Variants in PPP2CB observed in about 807,000 individuals in gnomAD.
The protein encoded by PPP2CB is serine/threonine-protein phosphatase 2A catalytic subunit beta isoform.
In PPP2CB, 18 loss-of-function variants were observed where a neutral mutation model predicts 39.1. The ratio of observed to expected loss-of-function variants is 0.46; its 90% CI spans 0.32 to 0.68. PPP2CB has a LOEUF of 0.68. PPP2CB is among the 30% of genes least tolerant of loss of function. The pLI, the probability that PPP2CB is intolerant of heterozygous loss-of-function variation, is 0.04. For synonymous variants in PPP2CB, 129 were observed against 133.8 expected, an observed-to-expected ratio of 0.96 and a Z score of 0.25; for missense variants, 226 against 396.9, an observed-to-expected ratio of 0.57 and a Z score of 3.66.
chr8:30,798,757 A>T (rs562422682), intron 2 of PPP2CB, among the ~76,000 whole-genome samples: 1 of 152,364 alleles, frequency 6.6e-6, no homozygotes, highest in Admixed American at 6.5e-5. Context: ...CCACTTTTGC[A>T]GCATAAATAA....
intron 5 of PPP2CB, 105 bp downstream of exon 5, chr8:30,793,812 T>G (rs1017258723): frequency 1.5e-6 from 2 of 1,291,586 alleles, no homozygotes; most frequent in African/African-American, 1.5e-5. Context: ...TCTTTTCACC[T>G]AGGTAATAAA....
intron 1 of PPP2CB, among the ~76,000 whole-genome samples, chr8:30,800,244 T>C (rs1806597299): frequency 6.6e-6 from 1 of 152,244 alleles, no homozygotes; most frequent in Non-Finnish European, 1.5e-5. Context: ...TGATACATGC[T>C]ACAACTTTGA....
intron 6 of PPP2CB, 156 bp downstream of exon 6, chr8:30,791,040 AT>A (rs1484042373): frequency 1.8e-6 from 1 of 553,412 alleles, no homozygotes; most frequent in Non-Finnish European, 3.1e-6. Flanking sequence ...TTGAAAAATT[AT>A]TTTTTAAAAA....
intron 1 of PPP2CB, among the ~76,000 whole-genome samples, chr8:30,811,477 A>C (rs1175282899): frequency 1.3e-5 from 2 of 151,768 alleles, no homozygotes; most frequent in Admixed American, 1.3e-4. Flanking sequence ...CTCCGCAAAC[A>C]AACGCTTGGC....
Position 30,812,368 on chromosome 8 carries a change from G to T in PPP2CB, c.54C>A (p.Asn18Lys). The T allele has an allele frequency of 1.9e-6, 3 of 1,563,342 alleles. No homozygotes were observed. The highest frequency in any genetic ancestry group is 8.7e-7 in the Non-Finnish European group (1 of 1,151,848). ...GGTTCTCGTTCAGCTGCTTACACTCGTTCAGCTGCTCGACCCACTGGTCCA... is the reference window on the plus strand; with the variant it reads ...GGTTCTCGTTCAGCTGCTTACACTCTTTCAGCTGCTCGACCCACTGGTCCA... ...KELDQWVEQL[N>K]ECKQLNENQV... is the part of the protein sequence containing the mutation. The change falls in exon 1 of 7, where the codon AAC becomes AAA. Residue 18 changes from asparagine (N) to lysine (K), a missense_variant. Asn to Lys is a moderately conservative substitution (Grantham distance 94). This residue lies in a region of PPP2CB where 59 missense variants were observed against 42.6 expected (regional missense o/e 1.38). Coordinates refer to ENST00000221138, the MANE Select transcript of PPP2CB (RefSeq NM_001009552.2).
chr8:30,812,577 C>T lies in PPP2CB; in HGVS notation c.-156G>A. ...GGAGGACTGAGCCGGGTAGGGCGGC[C>T]GCGGGCCCCGCGCCCCGCCCAAGCC... is the stretch of plus-strand genomic sequence containing the variant. On this transcript the variant is annotated 5_prime_UTR_variant, in exon 1 of 7. Coordinates refer to ENST00000221138, the MANE Select transcript of PPP2CB (RefSeq NM_001009552.2). 8.0e-6 allele frequency: 3 copies of T among 377,042 alleles called. No homozygotes were observed. Among genetic ancestry groups the T allele is most frequent in the Non-Finnish European group, 1.3e-5 (3 of 224,336 alleles). 23.4% of individuals were successfully genotyped at this position (377,042 alleles called of 1,614,324 possible).
chr8:30,795,560 C>A (rs1563215226), intron 3 of PPP2CB, among the ~76,000 whole-genome samples: 1 of 151,956 alleles, frequency 6.6e-6, no homozygotes, highest in South Asian at 2.1e-4. Flanking sequence ...TTTTATTTTT[C>A]TGTGCGTGCC....
chr8:30,794,847 C>T (rs77439306), intron 3 of PPP2CB, among the ~76,000 whole-genome samples: 3,124 of 152,290 alleles, frequency 0.021, 103 homozygotes, highest in African/African-American at 0.067. Flanking sequence ...ATTCCTGTTA[C>T]TGGCTACAAT....
rs1307452845 is a variant in PPP2CB at position 30,812,770 on chromosome 8, C to A, written c.-349G>T. Reference sequence around the variant, plus strand: ...GAAGGCCGCCCGCTGCCGCTTCAGGCCCGCCTCACGCCTACCGGCCTCTCC... The same window carrying A: ...GAAGGCCGCCCGCTGCCGCTTCAGGACCGCCTCACGCCTACCGGCCTCTCC... On this transcript the variant is annotated 5_prime_UTR_variant, in exon 1 of 7. Transcript: ENST00000221138. 2.1e-6 allele frequency: 1 copy of A among 468,588 alleles called. No individual in the cohort carries two copies. The highest frequency in any genetic ancestry group is 1.6e-5 in the South Asian group (1 of 64,504). The allele number at this position is 468,588 out of a possible 1,614,324, so 29.0% of individuals were successfully genotyped here. A position where few individuals can be genotyped will look rare whatever the true frequency, so the allele number is the denominator to read the frequency against.
At chr8:30,807,130 C>T (rs1228906036) in intron 1 of PPP2CB, among the ~76,000 whole-genome samples, 1 of 152,116 alleles carries the variant, frequency 6.6e-6, no homozygotes, top group East Asian at 1.9e-4. Flanking sequence ...TCATGCCATT[C>T]TTCATTATAC....
intron 1 of PPP2CB, among the ~76,000 whole-genome samples, chr8:30,802,436 T>G (rs1309267435): frequency 5.9e-5 from 9 of 152,008 alleles, no homozygotes. Context: ...GGGACAGGAA[T>G]GGTGGGTAGA....
chr8:30,798,059 T>A (rs896124417), intron 2 of PPP2CB, among the ~76,000 whole-genome samples: 2 of 152,226 alleles, frequency 1.3e-5, no homozygotes, highest in Non-Finnish European at 2.9e-5. Flanking sequence ...ATCTTCATCA[T>A]CAAATTATTA....
Position 30,812,566 on chromosome 8 carries a change from G to A in PPP2CB, c.-145C>T, listed in dbSNP as rs906031341. 2.2e-5 allele frequency: 10 copies of A among 445,532 alleles called. No homozygotes were observed. Among genetic ancestry groups the A allele is most frequent in the African/African-American group, 1.5e-4 (7 of 47,710 alleles). 27.6% of individuals were successfully genotyped at this position (445,532 alleles called of 1,614,324 possible). ...GTCCCACAGGGGGAGGACTGAGCCG[G>A]GTAGGGCGGCCGCGGGCCCCGCGCC... On this transcript the variant is annotated 5_prime_UTR_variant, in exon 1 of 7. Coordinates refer to ENST00000221138, the MANE Select transcript of PPP2CB (RefSeq NM_001009552.2).
intron 1 of PPP2CB, among the ~76,000 whole-genome samples, chr8:30,804,246 A>G (rs1456555022): frequency 6.6e-6 from 1 of 152,154 alleles, no homozygotes; most frequent in East Asian, 1.9e-4. Context: ...TGGTATTGCC[A>G]TTTATTATTA....
rs776422217 is a variant in PPP2CB, at chr8:30,812,312, G to A, written c.102+8C>T. ...GCGCTCCCGCACTCGCCCCCGCGGC[G>A]CCCTCACCTTCTCGCACAGCGTCCG... On this transcript the variant is annotated splice_region_variant and intron_variant, in intron 1 of 6. Coordinates refer to ENST00000221138, the MANE Select transcript of PPP2CB (RefSeq NM_001009552.2). 3.3e-6 allele frequency: 5 copies of A among 1,514,268 alleles called. No individual in the cohort carries two copies. The South Asian group carries it at 4.9e-5, about 15-fold the overall frequency. 93.8% of individuals were successfully genotyped at this position (1,514,268 alleles called of 1,614,324 possible).
At chr8:30,791,879 C>T (rs1194909191) in intron 5 of PPP2CB, among the ~76,000 whole-genome samples, 1 of 150,874 alleles carries the variant, frequency 6.6e-6, no homozygotes, top group East Asian at 2.0e-4. Flanking sequence ...TATGTGTGTG[C>T]ATATATGTAT....
intron 2 of PPP2CB, 36 bp downstream of exon 2, chr8:30,799,510 A>C: frequency 1.9e-6 from 3 of 1,566,828 alleles, no homozygotes; most frequent in Non-Finnish European, 2.6e-6. Flanking sequence ...GCCTGGTTTA[A>C]ATCTTGAAAA....
At chr8:30,787,868 A>T (rs1806369565) in intron 6 of PPP2CB, among the ~76,000 whole-genome samples, 1 of 152,210 alleles carries the variant, frequency 6.6e-6, no homozygotes, top group Admixed American at 6.5e-5. Flanking sequence ...ATGCTGGCTC[A>T]ATATTTTCAC....
chr8:30,795,084 C>G (rs921119867), intron 3 of PPP2CB, among the ~76,000 whole-genome samples: 43 of 150,274 alleles, frequency 2.9e-4, no homozygotes, highest in African/African-American at 1.0e-3. Flanking sequence ...GAGAGAATAA[C>G]GTAAGTTTTA....
Sources: gnomAD v4.1 joint callset for allele counts (sites outside exome capture counted in the v4.1 genomes callset) on GRCh38, gnomAD v4.1.1 for gene constraint, gnomAD v4.1.1 regional missense constraint, MANE v1.5 for transcripts, NCBI Gene and HGNC (gene_info 2026-07-23, HGNC 2026-07-21) for gene names.